The following HK1 variants were observed in gnomAD, a reference collection of about 807,000 sequenced individuals.
The protein encoded by HK1 is hexokinase-1.
Under a neutral mutation model 91.6 loss-of-function variants are expected in HK1, and 28 were observed. The ratio of observed to expected loss-of-function variants is 0.31; its 90% confidence interval spans 0.23 to 0.42. The LOEUF (loss-of-function observed/expected upper bound fraction) is 0.42. HK1 is among the 10% of genes least tolerant of loss of function. HK1 has a pLI of 1.00. For missense variants in HK1, 770 were observed against 1,219.8 expected (o/e 0.63, Z 5.49); for synonymous variants, 430 against 468.1 (o/e 0.92, Z 1.05).
intron 1 of HK1, among the ~76,000 whole-genome samples, chr10:69,343,554 G>T (rs1037470847): frequency 6.6e-6 from 1 of 152,194 alleles, no homozygotes; most frequent in Admixed American, 6.5e-5. Flanking sequence ...AAGTACTTGG[G>T]GGTTGAAGAG....
chr10:69,386,762 G>C (rs2132908559), intron 13 of HK1: 2 of 180,970 alleles, frequency 1.1e-5, no homozygotes, highest in Non-Finnish European at 2.4e-5. Context: ...CTGGGCGACA[G>C]AGCAAGACTC....
intron 3 of HK1, among the ~76,000 whole-genome samples, chr10:69,293,014 C>T (rs2132468843): frequency 6.6e-6 from 1 of 152,306 alleles, no homozygotes; most frequent in South Asian, 2.1e-4. Flanking sequence ...TTCATCTCCC[C>T]TTTCACTGGA....
intron 7 of HK1, among the ~76,000 whole-genome samples, chr10:69,373,015 G>A (rs189547908): frequency 4.3e-4 from 65 of 152,164 alleles, no homozygotes; most frequent in Non-Finnish European, 7.2e-4. Context: ...GATTACAGGC[G>A]TCTGCTGCCA....
At chr10:69,349,242 G>A (rs1266373108) in intron 2 of HK1, among the ~76,000 whole-genome samples, 1 of 152,196 alleles carries the variant, frequency 6.6e-6, no homozygotes, top group African/African-American at 2.4e-5. Context: ...CTCCCAACCT[G>A]TGTGACCTTG....
chr10:69,309,534 G>A lies in HK1; in HGVS notation c.27+8673G>A, dbSNP rs191663825. Among the ~76,000 whole-genome samples, 210 of 145,124 alleles carry A rather than the reference G, an allele frequency of 1.4e-3. 1 individual carries two copies. The highest frequency in any genetic ancestry group is 0.012 in the South Asian group (54 of 4,382). On this transcript the variant is annotated intron_variant, in intron 5 of 21. Transcript: ENST00000360289. ...AAAAAAAAAAAAAAGCCGCGAGGTG[G>A]CTCATGCCTGTAATCCCAGCGCTTT...
Position 69,368,641 on chromosome 10 carries a change from C to T in HK1, c.591+10C>T, listed in dbSNP as rs1320458389. On this transcript the variant is annotated intron_variant, in intron 5 of 17. Coordinates refer to ENST00000359426, the MANE Select transcript of HK1 (RefSeq NM_000188.3). ...CATCAAAAAGCGAGGGGTAATTTCT[C>T]CTGGGCCCTCTGCCTCAGCCATGCA... 4 of 1,604,030 alleles carry T rather than the reference C, an allele frequency of 2.5e-6. No individual in the cohort carries two copies. The highest frequency in any genetic ancestry group is 1.1e-5 in the South Asian group (1 of 90,812).
At chr10:69,381,565 T>G in intron 9 of HK1, among the ~76,000 whole-genome samples, 1 of 149,158 alleles carries the variant, frequency 6.7e-6, no homozygotes, top group Admixed American at 6.7e-5. Flanking sequence ...TTTTTTTTTT[T>G]GAAGGCAGGG....
chr10:69,280,849 A>G (rs533242237), intron 1 of HK1, among the ~76,000 whole-genome samples: 6 of 152,208 alleles, frequency 3.9e-5, no homozygotes, highest in Non-Finnish European at 5.9e-5. Flanking sequence ...TGGGAGTGGA[A>G]TATGATGTGC....
rs1455013583 is a variant in HK1, at chr10:69,318,987, C to T, written c.40C>T (p.Leu14=). ...AQLLAYYFTE[L]KDDQVKKIDK... is the part of the protein sequence containing the mutation. ...GCTCCTGGCCTATTACTTCACGGAG[C>T]TGAAGGATGACCAGGTCAAAAAGGT... The change falls in exon 1 of 18, where the codon CTG becomes TTG. Residue 14 remains leucine, a synonymous_variant. Transcript: ENST00000359426. 6.2e-7 allele frequency: 1 copy of T among 1,603,420 alleles called. No individual in the cohort carries two copies. The highest frequency in any genetic ancestry group is 1.7e-5 in the Admixed American group (1 of 59,194).
chr10:69,376,482 C>T (rs983276987), intron 7 of HK1, among the ~76,000 whole-genome samples: 9 of 151,928 alleles, frequency 5.9e-5, no homozygotes, highest in South Asian at 2.1e-4. Flanking sequence ...CTAGCCTGGG[C>T]GACAGTGAGA....
intron 1 of HK1, among the ~76,000 whole-genome samples, chr10:69,326,125 C>T (rs964320900): frequency 1.0e-4 from 15 of 150,316 alleles, no homozygotes; most frequent in African/African-American, 1.5e-4. Context: ...TGAGCCACCG[C>T]GCCTGGCCGC....
rs1848360785 is a variant in HK1, at chr10:69,342,834, C to G, written c.64-993C>G. 2.0e-5 allele frequency among the ~76,000 whole-genome samples: 3 copies of G among 152,184 alleles called. No homozygotes were observed. In the South Asian group the frequency reaches 6.2e-4, roughly 31 times the overall value. On this transcript the variant is annotated intron_variant, in intron 1 of 17. Transcript: ENST00000359426. Reference sequence around the variant, plus strand: ...GTGCCATCAGGACAGGTGTCTAGCTCAATTCTAGGCACCTAGCTGGTGCCC... The same window carrying G: ...GTGCCATCAGGACAGGTGTCTAGCTGAATTCTAGGCACCTAGCTGGTGCCC...
intron 1 of HK1, among the ~76,000 whole-genome samples, chr10:69,335,609 G>T (rs1417578666): frequency 6.6e-6 from 1 of 152,214 alleles, no homozygotes; most frequent in Non-Finnish European, 1.5e-5. Context: ...GCCAGTTGAG[G>T]AACCTCCTGG....
upstream of HK1, among the ~76,000 whole-genome samples, chr10:69,312,148 C>T (rs1447571790): frequency 1.3e-5 from 2 of 152,138 alleles, no homozygotes; most frequent in African/African-American, 4.8e-5. Context: ...AGACAAAAGA[C>T]GATTAAGAGA....
intron 14 of HK1, among the ~76,000 whole-genome samples, chr10:69,390,554 G>T (rs1169797335): frequency 1.3e-5 from 2 of 152,188 alleles, no homozygotes; most frequent in Non-Finnish European, 2.9e-5. Flanking sequence ...TGAAAAGGGG[G>T]CTGAGAAAAC....
intron 15 of HK1, 75 bp downstream of exon 15, chr10:69,392,383 T>C: frequency 6.7e-7 from 1 of 1,503,712 alleles, no homozygotes; most frequent in African/African-American, 1.4e-5. Flanking sequence ...CCACTTGCAG[T>C]GGAAGAAGTT....
chr10:69,281,359 C>G (rs940437689), intron 1 of HK1, among the ~76,000 whole-genome samples: 4 of 152,220 alleles, frequency 2.6e-5, no homozygotes, highest in African/African-American at 9.7e-5. Context: ...CCAGCCCACT[C>G]TCAGTAAAAT....
Position 69,336,260 on chromosome 10 carries a change from C to T in HK1, c.64-7567C>T, listed in dbSNP as rs934024194. On this transcript the variant is annotated intron_variant, in intron 1 of 17. Transcript: ENST00000359426. Reference sequence around the variant, plus strand: ...AGGCTGGAGTGCAATGGCGTGATCTCGGCTCACTGCAACCTCCGCCTCCTG... The same window carrying T: ...AGGCTGGAGTGCAATGGCGTGATCTTGGCTCACTGCAACCTCCGCCTCCTG... Among the ~76,000 whole-genome samples, 5 of 152,106 alleles carry T rather than the reference C, an allele frequency of 3.3e-5. No individual in the cohort carries two copies. The South Asian group carries it at 6.2e-4, about 19-fold the overall frequency.
intron 2 of HK1, 106 bp from the exon 3 acceptor site, chr10:69,359,791 G>A (rs1394645449): frequency 1.9e-6 from 2 of 1,034,924 alleles, no homozygotes; most frequent in Non-Finnish European, 1.5e-6. Flanking sequence ...ACAGCATGTG[G>A]CAGGGGGAGG....
Sources: gnomAD v4.1 joint callset for allele counts (sites outside exome capture counted in the v4.1 genomes callset) on GRCh38, gnomAD v4.1.1 for gene constraint, MANE v1.5 for transcripts, NCBI Gene and HGNC (gene_info 2026-07-23, HGNC 2026-07-21) for gene names.